SFTPB: variants seen among roughly 807,000 people sequenced by gnomAD.
SFTPB encodes the protein surfactant protein B, also known as pulmonary surfactant-associated protein B.
Under a neutral mutation model 51.0 loss-of-function variants are expected in SFTPB, and 32 were observed. The ratio of observed to expected loss-of-function variants is 0.63; its 90% CI spans 0.47 to 0.84. The LOEUF (loss-of-function observed/expected upper bound fraction) is 0.84. Ranked by LOEUF, SFTPB falls within the 40% of genes least tolerant of loss-of-function variation. The probability of loss-of-function intolerance (pLI) is 0.00; values close to 1 mark genes in which losing one functional copy is unlikely to be tolerated. For synonymous variants in SFTPB, 211 were observed against 208.5 expected (o/e 1.01, Z -0.10); for missense variants, 431 against 491.2 (o/e 0.88, Z 1.16).
intron 9 of SFTPB, 36 bp from the exon 10 acceptor site, chr2:85,661,571 C>A: frequency 5.2e-6 from 8 of 1,548,894 alleles, no homozygotes; most frequent in East Asian, 2.3e-5. Context: ...GAGGCCTGGG[C>A]CCCCTCAGCT....
rs1473675236 is a variant in SFTPB, at chr2:85,661,449, C to T, written c.*19+5G>A. On this transcript the variant is annotated splice_donor_5th_base_variant and intron_variant, in intron 10 of 10. Coordinates refer to ENST00000519937, the MANE Select transcript of SFTPB (RefSeq NM_000542.5). ...ACCTCCCCGCAACTGGGGGCCTGGA[C>T]TCACCTGGACAGCTGAGTTCTCATC... 1 of 1,602,564 alleles carries T rather than the reference C, an allele frequency of 6.2e-7. No homozygotes were observed. The highest frequency in any genetic ancestry group is 8.5e-7 in the Non-Finnish European group (1 of 1,173,836).
In SFTPB at chr2:85,662,080, G is replaced by C. The variant is rs1677334242; in HGVS notation, c.1032C>G (p.Pro344=). The C allele has an allele frequency of 6.2e-7, 1 of 1,603,404 alleles. No homozygotes were observed. Among genetic ancestry groups the C allele is most frequent in the Non-Finnish European group, 8.5e-7 (1 of 1,176,284 alleles). ...KCKQFVEQHT[P]QLLTLVPRGW... is the part of the protein sequence containing the mutation. The stretch of plus-strand genomic sequence containing the variant: ...CCCTGGGCACCAGGGTCAGCAGCTG[G>C]GGCGTGTGCTGCTCCACAAATTGCT... The change falls in exon 9 of 11, where the codon CCC becomes CCG. Residue 344 remains proline, a synonymous_variant. Transcript: ENST00000519937.
At chr2:85,664,138 A>G (rs34778888) in intron 6 of SFTPB, among the ~76,000 whole-genome samples, 61 of 152,214 alleles carry the variant, frequency 4.0e-4, no homozygotes, top group South Asian at 1.0e-3. Context: ...CCTTCCCCCA[A>G]TGCTTGGGAT....
At chr2:85,667,033 G>T in intron 3 of SFTPB, 73 bp downstream of exon 3, 1 of 1,376,902 alleles carries the variant, frequency 7.3e-7, no homozygotes, top group Non-Finnish European at 1.0e-6. Context: ...CCCCTTTAGG[G>T]GGCTCAGCTC....
intron 3 of SFTPB, 115 bp from the exon 4 acceptor site, chr2:85,666,857 G>T: frequency 7.2e-7 from 1 of 1,395,156 alleles, no homozygotes; most frequent in Non-Finnish European, 1.0e-6. Context: ...GGGTGCTGGA[G>T]TTCACGAGTG....
At chr2:85,668,364 G>T, upstream of SFTPB, 1 of 648,154 alleles carries the variant, frequency 1.5e-6, no homozygotes, top group Non-Finnish European at 2.8e-6. Flanking sequence ...CACCTGTCCT[G>T]GCTGATGGCC....
intron 3 of SFTPB, 45 bp from the exon 4 acceptor site, chr2:85,666,787 A>G (rs551426927): frequency 1.9e-6 from 3 of 1,612,428 alleles, no homozygotes; most frequent in Admixed American, 1.7e-5. Flanking sequence ...TCTGAGGTCT[A>G]CCCCGCCCAA....
Position 85,659,341 on chromosome 2 carries a change from T to A in SFTPB, c.*361A>T, listed in dbSNP as rs1284998080. On this transcript the variant is annotated 3_prime_UTR_variant, in exon 11 of 11. Coordinates refer to ENST00000519937, the MANE Select transcript of SFTPB (RefSeq NM_000542.5). The stretch of plus-strand genomic sequence containing the variant: ...GGCTCAGCTTCAACCCCCTGTCCTG[T>A]AAAGCAGTGGCTGGTTTTTCCTGAG... The A allele has an allele frequency of 6.6e-6, 1 of 152,208 alleles. No individual in the cohort carries two copies. Among genetic ancestry groups the A allele is most frequent in the East Asian group, 1.9e-4 (1 of 5,190 alleles). The allele number at this position is 152,208 out of a possible 1,614,324, so 9.4% of individuals were successfully genotyped here. A position where few individuals can be genotyped will look rare whatever the true frequency, so the allele number is the denominator to read the frequency against.
chr2:85,661,105 A>T (rs1018829577), intron 10 of SFTPB: 20 of 225,548 alleles, frequency 8.9e-5, no homozygotes, highest in Non-Finnish European at 2.7e-5. Flanking sequence ...GCCCCAGGAA[A>T]GCTTGGCCTT....
intron 1 of SFTPB, 25 bp downstream of exon 1, chr2:85,668,092 A>C: frequency 6.5e-7 from 1 of 1,526,932 alleles, no homozygotes; most frequent in Non-Finnish European, 8.9e-7. Context: ...GCTGCCTAGG[A>C]GAGGGGAGGC....
At position 85,664,615 on chromosome 2, in the gene SFTPB, T is replaced by A. The variant is rs1307014343; in HGVS notation, c.672+674A>T. Reference sequence around the variant, plus strand: ...GAGTAGCTGGGACTACAGGCACCTGTCACATCTGGCTAATTTTTGTATTCT... The same window carrying A: ...GAGTAGCTGGGACTACAGGCACCTGACACATCTGGCTAATTTTTGTATTCT... On this transcript the variant is annotated intron_variant, in intron 6 of 10. Coordinates refer to ENST00000519937, the MANE Select transcript of SFTPB (RefSeq NM_000542.5). Among the ~76,000 whole-genome samples, 8 of 152,096 alleles carry A rather than the reference T, an allele frequency of 5.3e-5. No individual in the cohort carries two copies. In the East Asian group the frequency reaches 1.3e-3, roughly 26 times the overall value.
rs1157824907 is a variant in SFTPB, at chr2:85,665,345, G to A, written c.616C>T (p.Pro206Ser). Residue 206 changes from proline to serine, a missense_variant, in exon 6 of 11, where the codon CCC (proline) becomes TCC (serine). Pro to Ser is a moderately conservative substitution (Grantham distance 74, BLOSUM62 -1). Coordinates refer to ENST00000519937, the MANE Select transcript of SFTPB (RefSeq NM_000542.5). ...LSEQQFPIPLPYCWLCRALIK... is the reference protein window; with the variant it reads ...LSEQQFPIPLSYCWLCRALIK... ...AGAGCCCTGCAGAGCCAGCAATAGG[G>A]GAGAGGAATGGGGAATTGCTGCTCG... is the stretch of plus-strand genomic sequence containing the variant. The A allele has an allele frequency of 6.2e-7, 1 of 1,613,970 alleles. No homozygotes were observed. Among genetic ancestry groups the A allele is most frequent in the Non-Finnish European group, 8.5e-7 (1 of 1,179,972 alleles).
intron 4 of SFTPB, among the ~76,000 whole-genome samples, chr2:85,666,115 A>G (rs1677575978): frequency 6.6e-6 from 1 of 151,634 alleles, no homozygotes; most frequent in Non-Finnish European, 1.5e-5. Flanking sequence ...CTGGGGGCCC[A>G]TGGTCGGGTG....
Position 85,661,525 on chromosome 2 carries a change from AC to A in SFTPB, c.1093del (p.Val365CysfsTer39), listed in dbSNP as rs1558572460. ...GAGAGGGCTGGACATGGTCCCACAC[AC>A]CCCGAGGGCCTGTCACAGGGACAGC... ...DAHTTCQALG[V>X]CGTMSSPLQC... On this transcript the variant is annotated frameshift_variant, in exon 10 of 11. Transcript: ENST00000519937. LOFTEE classifies it high-confidence loss of function. 6.2e-7 allele frequency: 1 copy of A among 1,610,582 alleles called. No individual in the cohort carries two copies. The highest frequency in any genetic ancestry group is 8.5e-7 in the Non-Finnish European group (1 of 1,178,796).
At chr2:85,667,251 T>C in intron 2 of SFTPB, 74 bp from the exon 3 acceptor site, 2 of 1,156,360 alleles carry the variant, frequency 1.7e-6, no homozygotes. Context: ...GGAGGTTCTC[T>C]TAGGAAGAGG....
In SFTPB at chr2:85,667,047, C is replaced by T. The variant is rs984146797; in HGVS notation, c.267+59G>A. On this transcript the variant is annotated intron_variant, in intron 3 of 10. Coordinates refer to ENST00000519937, the MANE Select transcript of SFTPB (RefSeq NM_000542.5). ...GCCCCTTTAGGGGGCTCAGCTCTTC[C>T]CTGCTCTGTCCCTCATCTCTTGGGC... The T allele has an allele frequency of 2.9e-5, 42 of 1,460,840 alleles. No homozygotes were observed. The African/African-American group carries it at 5.4e-4, about 19-fold the overall frequency. The allele number at this position is 1,460,840 out of a possible 1,614,324, so 90.5% of individuals were successfully genotyped here. A position where few individuals can be genotyped will look rare whatever the true frequency, so the allele number is the denominator to read the frequency against.
rs1323773012 is a variant in SFTPB, at chr2:85,657,419, T to A, written c.*2283A>T. On this transcript the variant is annotated 3_prime_UTR_variant, in exon 11 of 11. Transcript: ENST00000519937. ...GAAACAATGGCTTTAAGGACAGTAGTTAGCTATAGATTTACAAATGTCTAC... is the reference window on the plus strand; with the variant it reads ...GAAACAATGGCTTTAAGGACAGTAGATAGCTATAGATTTACAAATGTCTAC... 6.6e-6 allele frequency: 1 copy of A among 152,206 alleles called. No individual in the cohort carries two copies. The highest frequency in any genetic ancestry group is 2.4e-5 in the African/African-American group (1 of 41,450). The allele number at this position is 152,206 out of a possible 1,614,324, so 9.4% of individuals were successfully genotyped here. A position where few individuals can be genotyped will look rare whatever the true frequency, so the allele number is the denominator to read the frequency against.
At chr2:85,660,122 C>CT (rs34073715) in intron 10 of SFTPB, among the ~76,000 whole-genome samples, 27,629 of 135,110 alleles carry the variant, frequency 0.2, 3,280 homozygotes, top group Non-Finnish European at 0.26. Flanking sequence ...GCACCCACTA[C>CT]TTTTTTTTTT....
intron 10 of SFTPB, among the ~76,000 whole-genome samples, chr2:85,660,088 C>T (rs1038231474): frequency 1.3e-5 from 2 of 151,410 alleles, no homozygotes; most frequent in Non-Finnish European, 2.9e-5. Flanking sequence ...ATAGCCCCTA[C>T]CCTAGGATGT....
Sources: allele counts gnomAD v4.1 joint callset (sites outside exome capture counted in the v4.1 genomes callset), GRCh38; gene constraint gnomAD v4.1.1; transcripts MANE v1.5; gene names NCBI Gene and HGNC (gene_info 2026-07-23, HGNC 2026-07-21).